Variants in SNRK observed in about 807,000 individuals in gnomAD.
SNRK encodes SNF-related serine/threonine-protein kinase.
In SNRK, 3 loss-of-function variants were observed where a neutral mutation model predicts 48.2. That is an observed-to-expected ratio of 0.06 (90% CI 0.03 to 0.16). The LOEUF is 0.16. SNRK is among the 10% of genes least tolerant of loss of function. The probability of loss-of-function intolerance (pLI) is 1.00; values close to 1 mark genes in which losing one functional copy is unlikely to be tolerated. For synonymous variants in SNRK, 376 were observed against 366.1 expected, an observed-to-expected ratio of 1.03 and a Z score of -0.31; for missense variants, 627 against 976.0, an observed-to-expected ratio of 0.64 and a Z score of 4.76.
chr3:43,323,047 A>G (rs1044751221), intron 3 of SNRK, among the ~76,000 whole-genome samples: 9 of 152,214 alleles, frequency 5.9e-5, no homozygotes, highest in East Asian at 3.9e-4. Context: ...ATATGTGGCC[A>G]GTTGATTTTC....
intron 1 of SNRK, among the ~76,000 whole-genome samples, chr3:43,290,903 T>C (rs2090806668): frequency 6.6e-6 from 1 of 152,208 alleles, no homozygotes; most frequent in African/African-American, 2.4e-5. Context: ...TCATTTAGTT[T>C]AGTGGGGGAC....
At chr3:43,340,226 TC>T (rs2091224903) in intron 4 of SNRK, 60 bp from the exon 5 acceptor site, 5 of 1,256,230 alleles carry the variant, frequency 4.0e-6, no homozygotes, top group Non-Finnish European at 5.8e-6. Context: ...AATAAAATGA[TC>T]CATCATTACT....
intron 1 of SNRK, among the ~76,000 whole-genome samples, chr3:43,298,117 G>A (rs1307154516): frequency 6.6e-6 from 1 of 152,144 alleles, no homozygotes; most frequent in Non-Finnish European, 1.5e-5. Flanking sequence ...ATATTAAGTC[G>A]TTTGATCCTC....
At chr3:43,344,215 T>C (rs2091258139) in intron 6 of SNRK, among the ~76,000 whole-genome samples, 1 of 152,002 alleles carries the variant, frequency 6.6e-6, no homozygotes. Context: ...CTCCTCCTCC[T>C]CCTCTCCCCC....
intron 1 of SNRK, among the ~76,000 whole-genome samples, chr3:43,291,844 T>G (rs1380221153): frequency 6.6e-6 from 1 of 152,248 alleles, no homozygotes; most frequent in African/African-American, 2.4e-5. Flanking sequence ...ATCTTAGGAC[T>G]GTTATCCTAG....
chr3:43,322,175 A>T (rs527441395), intron 3 of SNRK, among the ~76,000 whole-genome samples: 147 of 152,370 alleles, frequency 9.6e-4, no homozygotes, highest in Non-Finnish European at 1.7e-3. Context: ...TAATCATTTT[A>T]AATTCCTCTA....
intron 4 of SNRK, among the ~76,000 whole-genome samples, chr3:43,338,823 C>G (rs1359085226): frequency 6.6e-6 from 1 of 151,826 alleles, no homozygotes; most frequent in Non-Finnish European, 1.5e-5. Flanking sequence ...TCTCAACTGC[C>G]TAGTAATTTT....
intron 5 of SNRK, among the ~76,000 whole-genome samples, chr3:43,341,302 A>C (rs1401916137): frequency 1.3e-5 from 2 of 152,052 alleles, no homozygotes; most frequent in African/African-American, 2.4e-5. Context: ...AGGTGCCTGC[A>C]ACCACGCCCG....
chr3:43,345,761 A>G (rs1028020062), intron 6 of SNRK, among the ~76,000 whole-genome samples: 11 of 152,162 alleles, frequency 7.2e-5, no homozygotes, highest in Non-Finnish European at 1.5e-4. Flanking sequence ...TGCAGCAGTG[A>G]GGTGGTGTGG....
At chr3:43,316,984 T>G (rs1003697166) in intron 3 of SNRK, among the ~76,000 whole-genome samples, 1 of 152,206 alleles carries the variant, frequency 6.6e-6, no homozygotes, top group Non-Finnish European at 1.5e-5. Flanking sequence ...GGGCTCTTAG[T>G]GCTTTTAACT....
rs55847039 is a variant in SNRK, at chr3:43,322,951, C to CAAAAAAAAAAAAAAAAAA, written c.590-9203_590-9202insAAAAAAAAAAAAAAAAAA. Among the ~76,000 whole-genome samples, 9 of 72,630 alleles carry CAAAAAAAAAAAAAAAAAA rather than the reference C, an allele frequency of 1.2e-4. 2 individuals are homozygous for CAAAAAAAAAAAAAAAAAA. The highest frequency in any genetic ancestry group is 6.1e-4 in the Admixed American group (3 of 4,896). 47.6% of individuals were successfully genotyped at this position (72,630 alleles called of 152,430 possible). On this transcript the variant is annotated intron_variant, in intron 3 of 6. Coordinates refer to ENST00000296088, the MANE Select transcript of SNRK (RefSeq NM_017719.5). ...TGCGCGACAGAGTAAGACTCCGTCT[C>CAAAAAAAAAAAAAAAAAA]AAAAAAAAAAAAAAAGACTGTATTG...
intron 1 of SNRK, among the ~76,000 whole-genome samples, chr3:43,290,316 A>C (rs540118082): frequency 1.3e-5 from 2 of 152,288 alleles, no homozygotes; most frequent in Non-Finnish European, 1.5e-5. Context: ...CTTTCTAATA[A>C]AGCTGGGTTG....
chr3:43,346,780 T>C (rs973025775), intron 6 of SNRK: 1 of 152,176 alleles, frequency 6.6e-6, no homozygotes, highest in Non-Finnish European at 1.5e-5. Context: ...TAGTTTTTTT[T>C]AATTGGAGAA....
At position 43,322,951 on chromosome 3, in the gene SNRK, CAA is replaced by C. The variant is rs55847039; in HGVS notation, c.590-9204_590-9203del. 4.1e-5 allele frequency among the ~76,000 whole-genome samples: 3 copies of C among 72,656 alleles called. 1 individual carries two copies. The Admixed American group carries it at 6.1e-4, about 15-fold the overall frequency. 47.7% of individuals were successfully genotyped at this position (72,656 alleles called of 152,430 possible). ...TGCGCGACAGAGTAAGACTCCGTCT[CAA>C]AAAAAAAAAAAAAGACTGTATTGGC... On this transcript the variant is annotated intron_variant, in intron 3 of 6. Transcript: ENST00000296088.
Position 43,343,340 on chromosome 3 carries a change from T to C in SNRK, c.945-4T>C. 1.2e-6 allele frequency: 2 copies of C among 1,604,140 alleles called. No homozygotes were observed. The highest frequency in any genetic ancestry group is 1.7e-6 in the Non-Finnish European group (2 of 1,177,012). ...GACGTTTGCTCTCACCTTGTTTTCC[T>C]CAGAGCCCTGGAAACCAACAGGTAT... On this transcript the variant is annotated splice_region_variant and splice_polypyrimidine_tract_variant and intron_variant, in intron 5 of 6. Transcript: ENST00000296088.
intron 1 of SNRK, among the ~76,000 whole-genome samples, chr3:43,290,067 G>A (rs2090798975): frequency 6.6e-6 from 1 of 152,190 alleles, no homozygotes; most frequent in African/African-American, 2.4e-5. Flanking sequence ...CAACATAACG[G>A]TGGTCAAATC....
chr3:43,343,206 CT>C, intron 5 of SNRK, 137 bp from the exon 6 acceptor site: 1 of 1,179,636 alleles, frequency 8.5e-7, no homozygotes, highest in Non-Finnish European at 1.1e-6. Context: ...TGGTTTTTTT[CT>C]GGTTTGCATT....
intron 1 of SNRK, among the ~76,000 whole-genome samples, chr3:43,298,157 A>G (rs1409724967): frequency 1.3e-5 from 2 of 152,152 alleles, no homozygotes; most frequent in Non-Finnish European, 2.9e-5. Context: ...TTTTCTTATT[A>G]CTAACATTTT....
At chr3:43,296,932 A>G (rs1357517223) in intron 1 of SNRK, among the ~76,000 whole-genome samples, 1 of 152,200 alleles carries the variant, frequency 6.6e-6, no homozygotes, top group African/African-American at 2.4e-5. Context: ...GGAGAACATC[A>G]GTATATTCTT....
Sources: gnomAD v4.1 joint callset for allele counts (sites outside exome capture counted in the v4.1 genomes callset) on GRCh38, gnomAD v4.1.1 for gene constraint, MANE v1.5 for transcripts, NCBI Gene and HGNC (gene_info 2026-07-23, HGNC 2026-07-21) for gene names.